The following SCRG1 variants were observed in gnomAD, a reference collection of about 807,000 sequenced individuals.
SCRG1 encodes stimulator of chondrogenesis 1.
Under a neutral mutation model 7.7 loss-of-function variants are expected in SCRG1, and 3 were observed. The observed-to-expected ratio is 0.39, with a 90% CI of 0.18 to 1.01. The LOEUF (loss-of-function observed/expected upper bound fraction) is 1.01, where lower values mean the gene tolerates loss of function less well. Among genes scored for constraint, SCRG1 ranks in the 50% least tolerant of loss-of-function variants. The pLI, the probability that SCRG1 is intolerant of heterozygous loss-of-function variation, is 0.36. For synonymous variants in SCRG1, 46 were observed against 41.2 expected, an observed-to-expected ratio of 1.12 and a Z score of -0.44; for missense variants, 110 against 117.2, an observed-to-expected ratio of 0.94 and a Z score of 0.28.
the SCRG1 span, among the ~76,000 whole-genome samples, chr4:173,440,703 C>G: frequency 3.3e-5 from 5 of 152,294 alleles, no homozygotes; most frequent in African/African-American, 7.2e-5. Flanking sequence ...AATGTATGCT[C>G]TCATAGTTCT....
At chr4:173,393,366 C>T (rs186716686) in intron 1 of SCRG1, among the ~76,000 whole-genome samples, 38 of 152,152 alleles carry the variant, frequency 2.5e-4, no homozygotes, top group Admixed American at 1.6e-3. Context: ...AATTTAATTC[C>T]TACCTCCAAA....
At chr4:173,405,091 C>A (rs550038510) in intron 1 of SCRG1, among the ~76,000 whole-genome samples, 1 of 152,030 alleles carries the variant, frequency 6.6e-6, no homozygotes, top group Non-Finnish European at 1.5e-5. Context: ...TTTTCTGTTG[C>A]GGGATCCCCT....
At position 173,386,717 on chromosome 4, in the gene SCRG1, A is replaced by G. The variant is rs543869495; in HGVS notation, c.*1624T>C. The stretch of plus-strand genomic sequence containing the variant: ...ATATCTCCCAGATTGCCTGTGTGGT[A>G]TGGTGTCTCTCAAACATTTCCCCAC... On this transcript the variant is annotated 3_prime_UTR_variant, in exon 3 of 3. Transcript: ENST00000296506. The G allele has an allele frequency of 6.6e-6, 1 of 152,182 alleles. No individual in the cohort carries two copies. The highest frequency in any genetic ancestry group is 1.5e-5 in the Non-Finnish European group (1 of 68,034). 9.4% of individuals were successfully genotyped at this position (152,182 alleles called of 1,614,324 possible).
chr4:173,390,631 C>G (rs1032513362), intron 2 of SCRG1, among the ~76,000 whole-genome samples: 3 of 152,070 alleles, frequency 2.0e-5, no homozygotes, highest in Non-Finnish European at 4.4e-5. Context: ...TGCCACCACG[C>G]CCAGCTAATT....
At chr4:173,510,456 A>G in the SCRG1 span, among the ~76,000 whole-genome samples, 1 of 151,802 alleles carries the variant, frequency 6.6e-6, no homozygotes, top group South Asian at 2.1e-4. The surrounding 1 kb of genome is among the most constrained non-coding windows in gnomAD (Gnocchi z 5.7). Context: ...AAATTAACGC[A>G]AAACAGAGCC....
At chr4:173,431,891 A>G in the SCRG1 span, among the ~76,000 whole-genome samples, 1 of 152,362 alleles carries the variant, frequency 6.6e-6, no homozygotes, top group South Asian at 2.1e-4. Flanking sequence ...GGTTACTTTC[A>G]TCTACATTCA....
At chr4:173,445,670 T>TA in the SCRG1 span, among the ~76,000 whole-genome samples, 9 of 121,084 alleles carry the variant, frequency 7.4e-5, no homozygotes, top group East Asian at 9.4e-4. Context: ...TTTAAGGATA[T>TA]TTTTTTTTTT....
chr4:173,495,193 G>A, the SCRG1 span, among the ~76,000 whole-genome samples: 2 of 152,158 alleles, frequency 1.3e-5, no homozygotes, highest in Admixed American at 6.5e-5. Flanking sequence ...CGATATCGTC[G>A]TATTAGTCAT....
intron 1 of SCRG1, chr4:173,398,437 G>A (rs1739665964): frequency 6.6e-6 from 1 of 152,162 alleles, no homozygotes; most frequent in Non-Finnish European, 1.5e-5. Flanking sequence ...TTCATAGCCT[G>A]TGTAATTAAG....
chr4:173,491,917 C>T, the SCRG1 span, among the ~76,000 whole-genome samples: 1 of 152,174 alleles, frequency 6.6e-6, no homozygotes, highest in South Asian at 2.1e-4. Flanking sequence ...ATCACTTGAG[C>T]CCAGGAGTTT....
At chr4:173,427,048 G>A in the SCRG1 span, among the ~76,000 whole-genome samples, 1 of 152,170 alleles carries the variant, frequency 6.6e-6, no homozygotes, top group African/African-American at 2.4e-5. Flanking sequence ...ATCTTCATGA[G>A]CATATAGACC....
the SCRG1 span, among the ~76,000 whole-genome samples, chr4:173,512,954 T>A: frequency 6.6e-6 from 1 of 152,256 alleles, no homozygotes; most frequent in Non-Finnish European, 1.5e-5. Context: ...ATAGTTATTA[T>A]ACTGCAAAAT....
the SCRG1 span, among the ~76,000 whole-genome samples, chr4:173,484,195 A>G: frequency 1.2e-5 from 1 of 81,582 alleles, no homozygotes; most frequent in African/African-American, 5.3e-5. Context: ...TTTCTATATT[A>G]TATATTATAT....
the SCRG1 span, among the ~76,000 whole-genome samples, chr4:173,497,393 C>A: frequency 3.3e-5 from 5 of 152,008 alleles, no homozygotes; most frequent in Admixed American, 2.0e-4. Flanking sequence ...GTTTAGGTCC[C>A]CTAGCCTGAA....
the SCRG1 span, chr4:173,467,841 C>G: frequency 1.3e-5 from 2 of 152,222 alleles, no homozygotes; most frequent in South Asian, 4.1e-4. Flanking sequence ...AAAAAACAAA[C>G]AAACCATGCT....
In SCRG1 at chr4:173,391,247, C is replaced by A; in HGVS notation, c.168G>T (p.Gln56His). The A allele has an allele frequency of 6.2e-7, 1 of 1,614,134 alleles. No individual in the cohort carries two copies. Among genetic ancestry groups the A allele is most frequent in the South Asian group, 1.1e-5 (1 of 91,084 alleles). The part of the protein sequence containing the change: ...ADLTQIDVNV[Q>H]DHFWDGKGCE... The stretch of plus-strand genomic sequence containing the variant: ...ATCCCTTCCCATCCCAGAAATGATC[C>A]TGGACATTGACATCAATCTGTGTCA... Residue 56 changes from glutamine (Q) to histidine (H), a missense_variant, in exon 2 of 3, where the codon CAG becomes CAT. By Grantham distance (24) the Gln-to-His change is conservative (BLOSUM62 0). Coordinates refer to ENST00000296506, the MANE Select transcript of SCRG1 (RefSeq NM_007281.4).
At chr4:173,427,788 G>T in the SCRG1 span, among the ~76,000 whole-genome samples, 3 of 152,140 alleles carry the variant, frequency 2.0e-5, no homozygotes, top group Non-Finnish European at 4.4e-5. Flanking sequence ...ATATGTTTTT[G>T]CTGGGGACAC....
At chr4:173,479,558 A>G in the SCRG1 span, among the ~76,000 whole-genome samples, 1 of 149,848 alleles carries the variant, frequency 6.7e-6, no homozygotes, top group Non-Finnish European at 1.5e-5. Flanking sequence ...CTCCTGCCTC[A>G]TCCTTCGAAA....
the SCRG1 span, among the ~76,000 whole-genome samples, chr4:173,458,868 C>T: frequency 6.4e-3 from 971 of 151,786 alleles, 8 homozygotes; most frequent in Middle Eastern, 0.078. Context: ...CCACAAGAAA[C>T]TCACTTCACT....
Sources: allele counts gnomAD v4.1 joint callset (sites outside exome capture counted in the v4.1 genomes callset), GRCh38; gene constraint gnomAD v4.1.1; non-coding constraint Gnocchi (gnomAD v3.1); transcripts MANE v1.5; gene names NCBI Gene and HGNC (gene_info 2026-07-23, HGNC 2026-07-21).